The following TMEM132B variants were observed in gnomAD, a reference collection of about 807,000 sequenced individuals.
TMEM132B encodes transmembrane protein 132B.
In TMEM132B, 18 loss-of-function variants were observed where a neutral mutation model predicts 90.8. The observed-to-expected ratio is 0.20, with a 90% CI of 0.14 to 0.29. TMEM132B has a LOEUF of 0.29. Among genes scored for constraint, TMEM132B ranks in the 10% least tolerant of loss-of-function variants. TMEM132B has a pLI of 1.00. For missense variants in TMEM132B, 1,096 were observed against 1,326.8 expected (o/e 0.83, Z 2.70); for synonymous variants, 504 against 523.3 (o/e 0.96, Z 0.50).
intron 1 of TMEM132B, among the ~76,000 whole-genome samples, chr12:125,227,637 C>T (rs887927577): frequency 2.1e-4 from 32 of 152,168 alleles, no homozygotes; most frequent in African/African-American, 7.7e-4. Context: ...TGTCTCCCCT[C>T]TCTCAGGATC....
At chr12:125,214,712 T>A (rs1036739903) in intron 1 of TMEM132B, among the ~76,000 whole-genome samples, 1 of 152,208 alleles carries the variant, frequency 6.6e-6, no homozygotes, top group Non-Finnish European at 1.5e-5. Context: ...ATGAGCTGGA[T>A]ATTTCCCAGT....
At chr12:125,197,930 A>G (rs1460355412) in intron 1 of TMEM132B, among the ~76,000 whole-genome samples, 3 of 152,264 alleles carry the variant, frequency 2.0e-5, no homozygotes, top group African/African-American at 7.2e-5. Context: ...TAACATTTAA[A>G]AAATAGTAGC....
At chr12:125,362,408 A>G (rs1310198432) in intron 2 of TMEM132B, among the ~76,000 whole-genome samples, 2 of 152,134 alleles carry the variant, frequency 1.3e-5, no homozygotes, top group Non-Finnish European at 2.9e-5. Flanking sequence ...TTTAAAAAAG[A>G]AACCCCAAGG....
At chr12:125,482,051 T>C (rs1882057535) in intron 3 of TMEM132B, among the ~76,000 whole-genome samples, 2 of 152,210 alleles carry the variant, frequency 1.3e-5, no homozygotes, top group African/African-American at 4.8e-5. Flanking sequence ...GCTAGCCATA[T>C]GTAGAAAGCT....
chr12:125,512,729 G>C (rs1306583117), intron 3 of TMEM132B, among the ~76,000 whole-genome samples: 2 of 152,208 alleles, frequency 1.3e-5, no homozygotes, highest in African/African-American at 4.8e-5. Flanking sequence ...CATACTCAGA[G>C]AAAGCAGAAC....
rs3825378 is a variant in TMEM132B, at chr12:125,280,447, C to G, written c.68-69005C>G. Among the ~76,000 whole-genome samples, 62 of 152,304 alleles carry G rather than the reference C, an allele frequency of 4.1e-4. 1 individual carries two copies. In the East Asian group the frequency reaches 0.012, roughly 29 times the overall value. ...CGGAGGGTGTATCAGTGAGAATAAG[C>G]TGGGATAACGAAGCATGTCAAAATG... On this transcript the variant is annotated intron_variant, in intron 1 of 8. Transcript: ENST00000682704.
At chr12:125,502,738 A>T (rs1592959329) in intron 3 of TMEM132B, among the ~76,000 whole-genome samples, 1 of 152,254 alleles carries the variant, frequency 6.6e-6, no homozygotes, top group Admixed American at 6.5e-5. Context: ...CTCACGGTTG[A>T]TCCCAGTGCT....
intron 2 of TMEM132B, among the ~76,000 whole-genome samples, chr12:125,371,325 C>CA (rs1407746656): frequency 6.6e-6 from 1 of 152,166 alleles, no homozygotes; most frequent in Non-Finnish European, 1.5e-5. Flanking sequence ...GATGCAGAGA[C>CA]AATCCTTCAA....
chr12:125,593,141 A>G (rs1476358762), intron 5 of TMEM132B, among the ~76,000 whole-genome samples: 3 of 152,226 alleles, frequency 2.0e-5, no homozygotes, highest in South Asian at 2.1e-4. Context: ...ATAAGTTGTC[A>G]GGCAGTTTGG....
chr12:125,450,913 T>A (rs934814176), intron 3 of TMEM132B, among the ~76,000 whole-genome samples: 9 of 152,142 alleles, frequency 5.9e-5, no homozygotes, highest in Admixed American at 5.9e-4. Flanking sequence ...GTGATTTAAC[T>A]GGATTGAATC....
chr12:125,273,872 C>G (rs1874915481), intron 1 of TMEM132B, among the ~76,000 whole-genome samples: 1 of 152,152 alleles, frequency 6.6e-6, no homozygotes, highest in South Asian at 2.1e-4. Flanking sequence ...CCATGTTGGT[C>G]AGTCTGGTCT....
At chr12:125,417,630 C>T (rs191920937) in intron 3 of TMEM132B, among the ~76,000 whole-genome samples, 360 of 152,212 alleles carry the variant, frequency 2.4e-3, no homozygotes, top group Non-Finnish European at 4.2e-3. Flanking sequence ...TTGGGGGTGG[C>T]GTGGTACCAG....
Position 125,333,165 on chromosome 12 carries a change from C to T in TMEM132B, c.68-16287C>T, listed in dbSNP as rs544563205. ...GGCGTTCCTTGGCTTGTAGACACAT[C>T]CCCCCAACTCTTCCCGTCTTCATGT... is the stretch of plus-strand genomic sequence containing the variant. On this transcript the variant is annotated intron_variant, in intron 1 of 8. Coordinates refer to ENST00000682704, the MANE Select transcript of TMEM132B (RefSeq NM_001366854.1). 3.9e-5 allele frequency among the ~76,000 whole-genome samples: 6 copies of T among 152,270 alleles called. No individual in the cohort carries two copies. The East Asian group carries it at 1.2e-3, about 29-fold the overall frequency.
intron 3 of TMEM132B, among the ~76,000 whole-genome samples, chr12:125,468,707 A>G (rs138588104): frequency 2.6e-5 from 4 of 152,348 alleles, no homozygotes; most frequent in African/African-American, 9.6e-5. Flanking sequence ...TTTTAATAAT[A>G]TTAAGTCTTT....
At chr12:125,570,053 A>T (rs1325360546) in intron 4 of TMEM132B, among the ~76,000 whole-genome samples, 1 of 152,008 alleles carries the variant, frequency 6.6e-6, no homozygotes, top group African/African-American at 2.4e-5. Flanking sequence ...GATGCTCCTT[A>T]TGTCACTATT....
chr12:125,499,701 T>A (rs1882647234), intron 3 of TMEM132B, among the ~76,000 whole-genome samples: 2 of 152,318 alleles, frequency 1.3e-5, no homozygotes, highest in East Asian at 3.9e-4. Context: ...TACTCCCTTC[T>A]GAGAATTTCT....
chr12:125,216,375 T>C (rs1046830646), intron 1 of TMEM132B, among the ~76,000 whole-genome samples: 12 of 152,346 alleles, frequency 7.9e-5, no homozygotes, highest in African/African-American at 2.9e-4. Context: ...TATGACCTCA[T>C]GTGACCTTAA....
chr12:125,614,739 C>G (rs1011031365), intron 5 of TMEM132B, among the ~76,000 whole-genome samples: 3 of 152,136 alleles, frequency 2.0e-5, no homozygotes, highest in Admixed American at 2.0e-4. Flanking sequence ...TAAAACAGAG[C>G]TACCATTAGA....
chr12:125,461,893 G>C (rs950471771), intron 3 of TMEM132B, among the ~76,000 whole-genome samples: 1 of 152,176 alleles, frequency 6.6e-6, no homozygotes, highest in Non-Finnish European at 1.5e-5. Flanking sequence ...CCTGGTTCTC[G>C]ACCTCGCTGT....
Sources: allele counts gnomAD v4.1 joint callset (sites outside exome capture counted in the v4.1 genomes callset), GRCh38; gene constraint gnomAD v4.1.1; transcripts MANE v1.5; gene names NCBI Gene and HGNC (gene_info 2026-07-23, HGNC 2026-07-21).